MBOAT1: variants seen among roughly 807,000 people sequenced by gnomAD.
MBOAT1 encodes membrane-bound glycerophospholipid O-acyltransferase 1.
In MBOAT1, 67 loss-of-function variants were observed where a neutral mutation model predicts 64.4. The observed-to-expected ratio is 1.04, with a 90% confidence interval of 0.85 to 1.27. The LOEUF (loss-of-function observed/expected upper bound fraction) is 1.27, where lower values mean the gene tolerates loss of function less well. MBOAT1 is among the 50% of genes most tolerant of loss of function. MBOAT1 has a pLI of 0.00. For missense variants in MBOAT1, 563 were observed against 604.6 expected, an observed-to-expected ratio of 0.93 and a Z score of 0.72; for synonymous variants, 229 against 218.9, an observed-to-expected ratio of 1.05 and a Z score of -0.41.
intron 8 of MBOAT1, among the ~76,000 whole-genome samples, chr6:20,124,057 A>C (rs896035546): frequency 6.6e-6 from 1 of 151,380 alleles, no homozygotes; most frequent in African/African-American, 2.4e-5. Context: ...ACTCCATGTC[A>C]AAAAAAAAGA....
At chr6:20,152,276 A>G (rs2479093) in intron 2 of MBOAT1, among the ~76,000 whole-genome samples, 84,572 of 150,882 alleles carry the variant, frequency 0.56, 23,816 homozygotes, top group Admixed American at 0.58. Flanking sequence ...GCAGTGAGCC[A>G]AGATCGCGCC....
chr6:20,208,264 G>T (rs1215735175), intron 1 of MBOAT1, among the ~76,000 whole-genome samples: 2 of 151,636 alleles, frequency 1.3e-5, no homozygotes, highest in Non-Finnish European at 2.9e-5. Flanking sequence ...TGACCAAGAT[G>T]GTGAAACCCC....
intron 8 of MBOAT1, among the ~76,000 whole-genome samples, chr6:20,123,589 A>G (rs988304942): frequency 2.6e-5 from 4 of 152,094 alleles, no homozygotes; most frequent in African/African-American, 9.7e-5. Context: ...AAACCAAGTG[A>G]AGTTGAACTT....
chr6:20,139,658 A>T (rs1049241766), intron 4 of MBOAT1, among the ~76,000 whole-genome samples: 1 of 142,768 alleles, frequency 7.0e-6, no homozygotes, highest in Admixed American at 7.6e-5. Flanking sequence ...GGCTCAAGCG[A>T]TCCTTCCACC....
At chr6:20,187,984 C>CA (rs200463684) in intron 1 of MBOAT1, among the ~76,000 whole-genome samples, 46 of 150,182 alleles carry the variant, frequency 3.1e-4, no homozygotes, top group East Asian at 1.6e-3. Context: ...GACCTTGTCT[C>CA]AAAAAAAAAG....
At chr6:20,155,167 C>A (rs1366981614) in intron 1 of MBOAT1, among the ~76,000 whole-genome samples, 1 of 152,204 alleles carries the variant, frequency 6.6e-6, no homozygotes, top group Non-Finnish European at 1.5e-5. Flanking sequence ...AGTCCCCCGA[C>A]CAACAGCATC....
At chr6:20,115,741 C>G (rs9465638) in intron 9 of MBOAT1, among the ~76,000 whole-genome samples, 9,432 of 152,206 alleles carry the variant, frequency 0.062, 906 homozygotes, top group African/African-American at 0.21. Context: ...GTTATGGGGA[C>G]AGCTTAAATT....
chr6:20,118,020 C>G (rs1760378475), intron 9 of MBOAT1, among the ~76,000 whole-genome samples: 1 of 152,144 alleles, frequency 6.6e-6, no homozygotes, highest in South Asian at 2.1e-4. Context: ...TTATAAATGC[C>G]TCCAAAGGAA....
chr6:20,201,426 GAC>G (rs1425244057), intron 1 of MBOAT1, among the ~76,000 whole-genome samples: 1 of 152,168 alleles, frequency 6.6e-6, no homozygotes, highest in Admixed American at 6.6e-5. Context: ...GGCATATGTA[GAC>G]ACAGACTATC....
In MBOAT1 at chr6:20,109,744, C is replaced by T. The variant is rs745554697; in HGVS notation, c.1215G>A (p.Arg405=). 6.2e-7 allele frequency: 1 copy of T among 1,612,988 alleles called. No individual in the cohort carries two copies. Residue 405 remains arginine, a synonymous_variant, in exon 12 of 13, where the codon AGG becomes AGA. Coordinates refer to ENST00000324607, the MANE Select transcript of MBOAT1 (RefSeq NM_001080480.3). ...AAAGGAAGTAATGTCTGTAGTTGTT[C>T]CTGACCTGCAGGCCAACACAGGCAA... ...ILVTLAARAV[R]NNYRHYFLSS...
chr6:20,168,544 A>G, intron 1 of MBOAT1, among the ~76,000 whole-genome samples: 2 of 139,412 alleles, frequency 1.4e-5, no homozygotes, highest in Middle Eastern at 3.6e-3. Flanking sequence ...AGAGGAGAGG[A>G]GAGGGAAACA....
chr6:20,119,827 C>G (rs1760440344), intron 8 of MBOAT1, among the ~76,000 whole-genome samples: 1 of 152,146 alleles, frequency 6.6e-6, no homozygotes, highest in Non-Finnish European at 1.5e-5. Context: ...ATCAATGACA[C>G]TAAGGGCCTT....
intron 1 of MBOAT1, among the ~76,000 whole-genome samples, chr6:20,189,347 C>T (rs1488518873): frequency 6.6e-6 from 1 of 152,220 alleles, no homozygotes; most frequent in Non-Finnish European, 1.5e-5. Context: ...TATTACCTCA[C>T]ACACATCATT....
intron 1 of MBOAT1, among the ~76,000 whole-genome samples, chr6:20,175,601 C>A (rs1283141761): frequency 1.3e-5 from 2 of 151,766 alleles, no homozygotes; most frequent in African/African-American, 4.8e-5. Context: ...CACACGTCGC[C>A]ACGCCTGGCT....
At position 20,212,399 on chromosome 6, in the gene MBOAT1, C is replaced by G. The variant is rs1446074106; in HGVS notation, c.-165G>C. 4.7e-6 allele frequency: 3 copies of G among 635,332 alleles called. No homozygotes were observed. Among genetic ancestry groups the G allele is most frequent in the South Asian group, 3.9e-5 (2 of 51,208 alleles). 39.4% of individuals were successfully genotyped at this position (635,332 alleles called of 1,614,324 possible). ...GGGAATGCGAACCGGCGCAAACTCT[C>G]GAGGCGCAAACTCTCGAGGCGCAAA... On this transcript the variant is annotated 5_prime_UTR_variant, in exon 1 of 13. Coordinates refer to ENST00000324607, the MANE Select transcript of MBOAT1 (RefSeq NM_001080480.3).
intron 1 of MBOAT1, among the ~76,000 whole-genome samples, chr6:20,185,708 C>T (rs2113748489): frequency 6.6e-6 from 1 of 152,288 alleles, no homozygotes; most frequent in Non-Finnish European, 1.5e-5. Flanking sequence ...CATATGGCAA[C>T]AAAAATTTAT....
At chr6:20,107,499 C>A (rs1460867116) in intron 12 of MBOAT1, among the ~76,000 whole-genome samples, 1 of 152,202 alleles carries the variant, frequency 6.6e-6, no homozygotes, top group East Asian at 1.9e-4. Flanking sequence ...ATTCCTGTTA[C>A]ATACTCTCTT....
intron 9 of MBOAT1, among the ~76,000 whole-genome samples, chr6:20,117,972 G>T (rs996666530): frequency 6.6e-6 from 1 of 152,176 alleles, no homozygotes; most frequent in African/African-American, 2.4e-5. Context: ...TGGCCTAAAA[G>T]TTGTACATTA....
chr6:20,144,764 C>G (rs532146624), intron 3 of MBOAT1, among the ~76,000 whole-genome samples: 25 of 152,336 alleles, frequency 1.6e-4, no homozygotes, highest in African/African-American at 5.3e-4. Context: ...TCTTTAAACA[C>G]TTTATTCTCT....
Sources: gnomAD v4.1 joint callset for allele counts (sites outside exome capture counted in the v4.1 genomes callset) on GRCh38, gnomAD v4.1.1 for gene constraint, MANE v1.5 for transcripts, NCBI Gene and HGNC (gene_info 2026-07-23, HGNC 2026-07-21) for gene names.